The following IGF1R variants were observed in gnomAD, a reference collection of about 807,000 sequenced individuals.
IGF1R encodes insulin like growth factor 1 receptor, also known as insulin-like growth factor 1 receptor.
In IGF1R, 44 loss-of-function variants were observed where a neutral mutation model predicts 144.6. The ratio of observed to expected loss-of-function variants is 0.30; its 90% CI spans 0.24 to 0.39. The LOEUF is 0.39. IGF1R is among the 10% of genes least tolerant of loss of function. IGF1R has a pLI of 1.00. For missense variants in IGF1R, 1,355 were observed against 1,833.7 expected (o/e 0.74, Z 4.77); for synonymous variants, 795 against 722.8 (o/e 1.10, Z -1.60).
At position 98,964,113 on chromosome 15, in the gene IGF1R, G is replaced by C; in HGVS notation, c.*6671G>C. 2 of 233,030 alleles carry C rather than the reference G, an allele frequency of 8.6e-6. No individual in the cohort carries two copies. The highest frequency in any genetic ancestry group is 1.7e-5 in the Non-Finnish European group (2 of 117,722). 14.4% of individuals were successfully genotyped at this position (233,030 alleles called of 1,614,324 possible). A position where few individuals can be genotyped will look rare whatever the true frequency, so the allele number is the denominator to read the frequency against. On this transcript the variant is annotated 3_prime_UTR_variant, in exon 21 of 21. Coordinates refer to ENST00000650285, the MANE Select transcript of IGF1R (RefSeq NM_000875.5). The stretch of plus-strand genomic sequence containing the variant: ...TTTGCCAGAGTTTGTCTACCTCTGG[G>C]TATCCCTTTGTCTGGGATAAAAAAA...
chr15:98,809,601 T>C (rs1346009326), intron 2 of IGF1R, among the ~76,000 whole-genome samples: 6 of 152,222 alleles, frequency 3.9e-5, no homozygotes, highest in Non-Finnish European at 7.3e-5. Context: ...TTATAAATCC[T>C]GTGTAAATAG....
chr15:98,908,107 C>T (rs372356410), intron 5 of IGF1R, among the ~76,000 whole-genome samples: 1 of 152,196 alleles, frequency 6.6e-6, no homozygotes, highest in African/African-American at 2.4e-5. Flanking sequence ...TCTTCCTCCT[C>T]CCCCACACCT....
At position 98,961,185 on chromosome 15, in the gene IGF1R, C is replaced by G. The variant is rs552466200; in HGVS notation, c.*3743C>G. ...TGGATCAGGGTTTTGTTCTTCCACA[C>G]TGTAGGTGACCCCTTGGAATAACGG... On this transcript the variant is annotated 3_prime_UTR_variant, in exon 21 of 21. Transcript: ENST00000650285. 3.0e-5 allele frequency: 7 copies of G among 233,652 alleles called. No individual in the cohort carries two copies. In the South Asian group the frequency reaches 1.3e-3, roughly 42 times the overall value. 14.5% of individuals were successfully genotyped at this position (233,652 alleles called of 1,614,324 possible).
intron 2 of IGF1R, among the ~76,000 whole-genome samples, chr15:98,829,222 G>C (rs188176169): frequency 2.8e-4 from 43 of 152,252 alleles, no homozygotes; most frequent in African/African-American, 9.6e-4. Flanking sequence ...TAGATTCCTT[G>C]TTGCTGCAGC....
intron 1 of IGF1R, among the ~76,000 whole-genome samples, chr15:98,657,408 T>G (rs1007109443): frequency 2.0e-5 from 3 of 152,226 alleles, no homozygotes; most frequent in Non-Finnish European, 2.9e-5. Flanking sequence ...GATTGTAAAA[T>G]CCCTCTCAGT....
At chr15:98,955,540 G>A (rs944879528) in intron 20 of IGF1R, among the ~76,000 whole-genome samples, 3 of 152,230 alleles carry the variant, frequency 2.0e-5, no homozygotes, top group African/African-American at 7.2e-5. Flanking sequence ...GGGCAGCCCC[G>A]GGTTAGGCCC....
chr15:98,656,288 G>A (rs1361280258), intron 1 of IGF1R, among the ~76,000 whole-genome samples: 1 of 152,194 alleles, frequency 6.6e-6, no homozygotes, highest in Non-Finnish European at 1.5e-5. Flanking sequence ...AGCGGCTCCT[G>A]CCTGTAACCC....
chr15:98,928,526 C>G (rs1323392997), intron 13 of IGF1R, among the ~76,000 whole-genome samples: 2 of 152,214 alleles, frequency 1.3e-5, no homozygotes, highest in Non-Finnish European at 2.9e-5. Flanking sequence ...TTAGCTTGGG[C>G]TGGGTCCCTT....
intron 2 of IGF1R, among the ~76,000 whole-genome samples, chr15:98,742,308 G>A (rs2054764233): frequency 6.6e-6 from 1 of 152,188 alleles, no homozygotes; most frequent in African/African-American, 2.4e-5. Context: ...GATAAATGAT[G>A]AATTTAATAA....
intron 2 of IGF1R, among the ~76,000 whole-genome samples, chr15:98,736,233 T>C (rs976804431): frequency 3.3e-5 from 5 of 152,246 alleles, no homozygotes; most frequent in African/African-American, 1.2e-4. Flanking sequence ...TAATGTGAAC[T>C]AATTACATTT....
At chr15:98,795,507 T>C (rs1376438208) in intron 2 of IGF1R, among the ~76,000 whole-genome samples, 2 of 152,098 alleles carry the variant, frequency 1.3e-5, no homozygotes, top group Admixed American at 6.6e-5. Context: ...CTCCGCCTCC[T>C]GGGTTCATGC....
intron 1 of IGF1R, among the ~76,000 whole-genome samples, chr15:98,697,903 A>G (rs1439798580): frequency 2.0e-5 from 3 of 151,468 alleles, no homozygotes; most frequent in South Asian, 2.1e-4. Flanking sequence ...ATGCCTGGCT[A>G]ACTTTTGTAT....
intron 2 of IGF1R, among the ~76,000 whole-genome samples, chr15:98,777,606 G>C (rs888866621): frequency 1.3e-5 from 2 of 152,244 alleles, no homozygotes; most frequent in African/African-American, 4.8e-5. Flanking sequence ...AGCTGCCGGG[G>C]AATGACCCCT....
At chr15:98,941,088 G>A (rs58000414) in intron 18 of IGF1R, among the ~76,000 whole-genome samples, 19,269 of 152,232 alleles carry the variant, frequency 0.13, 1,568 homozygotes, top group East Asian at 0.34. Context: ...AGCCAGGTGG[G>A]CCTGAGGTGG....
Position 98,959,188 on chromosome 15 carries a change from GAC to G in IGF1R, c.*1752_*1753del, listed in dbSNP as rs898148585. 208 of 233,400 alleles carry G rather than the reference GAC, an allele frequency of 8.9e-4. 1 individual carries two copies. The highest frequency in any genetic ancestry group is 4.2e-3 in the African/African-American group (190 of 45,452). 14.5% of individuals were successfully genotyped at this position (233,400 alleles called of 1,614,324 possible). ...TTTCCCTTGCCTTTGCTTAGGTTGT[GAC>G]ACACATATATATATATTTTTTTAAT... On this transcript the variant is annotated 3_prime_UTR_variant, in exon 21 of 21. Transcript: ENST00000650285.
At chr15:98,831,691 T>C (rs2057004231) in intron 2 of IGF1R, among the ~76,000 whole-genome samples, 1 of 152,186 alleles carries the variant, frequency 6.6e-6, no homozygotes, top group South Asian at 2.1e-4. Flanking sequence ...CTTTATTTAT[T>C]GGTGAGAAGG....
In IGF1R at chr15:98,896,829, T is replaced by G; in HGVS notation, c.1026T>G (p.Asp342Glu). The G allele has an allele frequency of 6.2e-7, 1 of 1,614,140 alleles. No homozygotes were observed. The highest frequency in any genetic ancestry group is 8.5e-7 in the Non-Finnish European group (1 of 1,179,972). Residue 342 changes from aspartate to glutamate, a missense_variant, in exon 4 of 21, where the codon GAT becomes GAG. Transcript: ENST00000650285. ...AAGAAAAGAAAACAAAGACCATTGA[T>G]TCTGTTACTTCTGCTCAGATGCTCC... is the stretch of plus-strand genomic sequence containing the variant. Reference protein sequence around the residue: ...CEEEKKTKTIDSVTSAQMLQG... With the variant: ...CEEEKKTKTIESVTSAQMLQG...
intron 2 of IGF1R, among the ~76,000 whole-genome samples, chr15:98,766,168 GTC>G (rs35588284): frequency 4.1e-4 from 63 of 152,194 alleles, no homozygotes; most frequent in Non-Finnish European, 7.9e-4. Context: ...TCATTAGGGT[GTC>G]TCTGAAAGGT....
At position 98,707,806 on chromosome 15, in the gene IGF1R, C is replaced by T. The variant is rs2141259351; in HGVS notation, c.339C>T (p.Tyr113=). 3.1e-6 allele frequency: 5 copies of T among 1,614,198 alleles called. No individual in the cohort carries two copies. Among genetic ancestry groups the T allele is most frequent in the Non-Finnish European group, 4.2e-6 (5 of 1,180,038 alleles). Residue 113 remains tyrosine, a synonymous_variant, in exon 2 of 21, where the codon TAC becomes TAT. Transcript: ENST00000650285. This position sits in a 1 kb window ranked among gnomAD's most constrained non-coding sequence, Gnocchi z 6.7. ...TCATCCGCGGCTGGAAACTCTTCTA[C>T]AACTACGCCCTGGTCATCTTCGAGA... is the stretch of plus-strand genomic sequence containing the variant. ...LTVIRGWKLF[Y]NYALVIFEMT...
Sources: allele counts gnomAD v4.1 joint callset (sites outside exome capture counted in the v4.1 genomes callset), GRCh38; gene constraint gnomAD v4.1.1; non-coding constraint Gnocchi (gnomAD v3.1); transcripts MANE v1.5; gene names NCBI Gene and HGNC (gene_info 2026-07-23, HGNC 2026-07-21).